The following GGA2 variants were observed in gnomAD, a reference collection of about 807,000 sequenced individuals.
GGA2 encodes the protein golgi associated, gamma adaptin ear containing, ARF binding protein 2.
Under a neutral mutation model 79.5 loss-of-function variants are expected in GGA2, and 48 were observed. That is an observed-to-expected ratio of 0.60 (90% CI 0.48 to 0.77). The LOEUF (loss-of-function observed/expected upper bound fraction) is 0.77. Ranked by LOEUF, GGA2 falls within the 30% of genes least tolerant of loss-of-function variation. The pLI, the probability that GGA2 is intolerant of heterozygous loss-of-function variation, is 0.00. For missense variants in GGA2, 770 were observed against 774.0 expected (o/e 0.99, Z 0.06); for synonymous variants, 317 against 302.0 (o/e 1.05, Z -0.51).
chr16:23,482,677 A>G (rs1329484536), intron 9 of GGA2, among the ~76,000 whole-genome samples: 1 of 151,998 alleles, frequency 6.6e-6, no homozygotes, highest in African/African-American at 2.4e-5. Context: ...TCTACCTCTC[A>G]CACCCCAATC....
At chr16:23,478,199 A>AAAAAAAAAAAAAAAAGAAAAAAGAC (rs1964599173) in intron 13 of GGA2, among the ~76,000 whole-genome samples, 169 bp downstream of exon 13, 1 of 145,094 alleles carries the variant, frequency 6.9e-6, no homozygotes, top group African/African-American at 2.6e-5. Flanking sequence ...ACCCCGTCTC[A>AAAAAAAAAAAAAAAAGAAAAAAGAC]AAAAAAAAAA....
Position 23,466,021 on chromosome 16 carries a change from A to G in GGA2, c.*1569T>C, listed in dbSNP as rs1213854191. The stretch of plus-strand genomic sequence containing the variant: ...ATTCGTCTTATGTGAATTATGGCAA[A>G]TGAAATCACCCCACTGTTTACCTGT... On this transcript the variant is annotated 3_prime_UTR_variant, in exon 17 of 17. Transcript: ENST00000309859. The G allele has an allele frequency of 6.6e-6, 1 of 152,398 alleles. No individual in the cohort carries two copies. Among genetic ancestry groups the G allele is most frequent in the Non-Finnish European group, 1.5e-5 (1 of 68,188 alleles). The allele number at this position is 152,398 out of a possible 1,614,324, so 9.4% of individuals were successfully genotyped here.
intron 5 of GGA2, among the ~76,000 whole-genome samples, chr16:23,491,321 A>C (rs1261901503): frequency 1.3e-5 from 2 of 151,404 alleles, no homozygotes; most frequent in Non-Finnish European, 2.9e-5. Flanking sequence ...AAAAAAAAAA[A>C]AAAAAAAACC....
At chr16:23,518,584 G>C (rs1373265508) in intron 2 of GGA2, among the ~76,000 whole-genome samples, 1 of 152,134 alleles carries the variant, frequency 6.6e-6, no homozygotes, top group Non-Finnish European at 1.5e-5. Flanking sequence ...TCCAAGCTTT[G>C]TCAAAGGTAG....
At chr16:23,489,461 A>T (rs899407824) in intron 5 of GGA2, among the ~76,000 whole-genome samples, 1 of 152,154 alleles carries the variant, frequency 6.6e-6, no homozygotes, top group Non-Finnish European at 1.5e-5. Context: ...GGCTGGTCTC[A>T]AACTCCTGGC....
chr16:23,496,240 T>C (rs1596991218), intron 1 of GGA2, among the ~76,000 whole-genome samples: 1 of 144,410 alleles, frequency 6.9e-6, no homozygotes, highest in African/African-American at 2.6e-5. Context: ...GAGGTGGAGG[T>C]TGCAGTGAGC....
intron 10 of GGA2, chr16:23,480,441 A>G: frequency 1.9e-6 from 1 of 516,388 alleles, no homozygotes; most frequent in Admixed American, 3.2e-5. Flanking sequence ...TGTGTAGTCA[A>G]AGCTGGGGTC....
chr16:23,494,301 AC>A lies in GGA2; in HGVS notation c.252+1del, dbSNP rs765318543. 2.5e-6 allele frequency: 4 copies of A among 1,594,376 alleles called. No homozygotes were observed. In the South Asian group the frequency reaches 4.4e-5, roughly 18 times the overall value. Reference sequence around the variant, plus strand: ...TTAGGCTACAAGGCAAGCCAAACTCACCGTTAAGGCATAAAGAGCTTCCTTC... The same window carrying A: ...TTAGGCTACAAGGCAAGCCAAACTCACGTTAAGGCATAAAGAGCTTCCTTC... On this transcript the variant is annotated splice_donor_variant, in intron 3 of 16. Coordinates refer to ENST00000309859, the MANE Select transcript of GGA2 (RefSeq NM_015044.4). LOFTEE classifies it high-confidence loss of function.
upstream of GGA2, among the ~76,000 whole-genome samples, chr16:23,513,430 G>C (rs985363949): frequency 1.5e-4 from 23 of 151,976 alleles, no homozygotes; most frequent in African/African-American, 5.6e-4. Flanking sequence ...CCTAAAGCCA[G>C]CCACAAAACC....
At chr16:23,520,135 C>T (rs2142153660) in intron 1 of GGA2, among the ~76,000 whole-genome samples, 1 of 152,090 alleles carries the variant, frequency 6.6e-6, no homozygotes, top group Middle Eastern at 3.4e-3. Context: ...TGCCTGTAAT[C>T]CCAGCTACTT....
At chr16:23,516,200 T>TG (rs763934083) in intron 2 of GGA2, among the ~76,000 whole-genome samples, 6 of 151,900 alleles carry the variant, frequency 3.9e-5, no homozygotes, top group Non-Finnish European at 7.4e-5. Context: ...TTTGTAAAGA[T>TG]GGGGTCTTAC....
rs1964411139 is a variant in GGA2 at position 23,464,585 on chromosome 16, G to A, written c.*3005C>T. The A allele has an allele frequency of 6.6e-6, 1 of 152,134 alleles. No individual in the cohort carries two copies. The highest frequency in any genetic ancestry group is 2.1e-4 in the South Asian group (1 of 4,828). The allele number at this position is 152,134 out of a possible 1,614,324, so 9.4% of individuals were successfully genotyped here. A position where few individuals can be genotyped will look rare whatever the true frequency, so the allele number is the denominator to read the frequency against. Reference sequence around the variant, plus strand: ...AAAAAAAGCCCAAATCAGAGCAGTGGCAATGTAAGTGCAGGGAGGACATGA... The same window carrying A: ...AAAAAAAGCCCAAATCAGAGCAGTGACAATGTAAGTGCAGGGAGGACATGA... On this transcript the variant is annotated 3_prime_UTR_variant, in exon 17 of 17. Coordinates refer to ENST00000309859, the MANE Select transcript of GGA2 (RefSeq NM_015044.4).
chr16:23,517,022 C>T (rs1965107196), intron 2 of GGA2, among the ~76,000 whole-genome samples: 2 of 152,128 alleles, frequency 1.3e-5, no homozygotes, highest in Non-Finnish European at 2.9e-5. Flanking sequence ...ATTAACCAAC[C>T]CTGCAGCCCA....
At chr16:23,473,330 C>CTTTT (rs34972165) in intron 14 of GGA2, among the ~76,000 whole-genome samples, 6,797 of 70,690 alleles carry the variant, frequency 0.096, 2,248 homozygotes, top group East Asian at 0.14. Context: ...CTTTTCTAGT[C>CTTTT]TTTTTTTTTT....
chr16:23,494,929 C>G (rs1484738734), intron 2 of GGA2, among the ~76,000 whole-genome samples: 2 of 151,780 alleles, frequency 1.3e-5, no homozygotes, highest in African/African-American at 2.4e-5. Flanking sequence ...TAAAAAAATA[C>G]AAAAAATTAG....
intron 14 of GGA2, 49 bp downstream of exon 14, chr16:23,474,855 A>T: frequency 7.2e-7 from 1 of 1,393,718 alleles, no homozygotes; most frequent in Non-Finnish European, 1.0e-6. Context: ...GGAGTCTAAT[A>T]GATTCCCAGG....
chr16:23,497,871 T>C (rs1389610596), intron 1 of GGA2, among the ~76,000 whole-genome samples: 1 of 152,194 alleles, frequency 6.6e-6, no homozygotes, highest in African/African-American at 2.4e-5. Flanking sequence ...CTGCAGCTCA[T>C]GCCTATGATC....
At chr16:23,482,511 G>A (rs927492556) in intron 9 of GGA2, among the ~76,000 whole-genome samples, 1 of 152,100 alleles carries the variant, frequency 6.6e-6, no homozygotes, top group African/African-American at 2.4e-5. Flanking sequence ...CCTTACAGAT[G>A]TACCTTCCAT....
chr16:23,492,792 CAT>C (rs1964805529), intron 4 of GGA2, among the ~76,000 whole-genome samples: 1 of 152,248 alleles, frequency 6.6e-6, no homozygotes, highest in South Asian at 2.1e-4. Flanking sequence ...CTTGAGGACA[CAT>C]GAGACTCACG....
Sources: allele counts gnomAD v4.1 joint callset (sites outside exome capture counted in the v4.1 genomes callset), GRCh38; gene constraint gnomAD v4.1.1; transcripts MANE v1.5; gene names NCBI Gene and HGNC (gene_info 2026-07-23, HGNC 2026-07-21).